Variants in SYNE2 observed in about 807,000 individuals in gnomAD.
The protein encoded by SYNE2 is nesprin-2.
In SYNE2, 431 loss-of-function variants were observed where a neutral mutation model predicts 856.3. The ratio of observed to expected loss-of-function variants is 0.50; its 90% confidence interval spans 0.47 to 0.55. The LOEUF (loss-of-function observed/expected upper bound fraction) is 0.55. Among genes scored for constraint, SYNE2 ranks in the 20% least tolerant of loss-of-function variants. The pLI, the probability that SYNE2 is intolerant of heterozygous loss-of-function variation, is 0.00. For missense variants in SYNE2, 8,129 were observed against 8,023.2 expected, an observed-to-expected ratio of 1.01 and a Z score of -0.50; for synonymous variants, 2,923 against 2,872.3, an observed-to-expected ratio of 1.02 and a Z score of -0.56.
Position 64,051,544 on chromosome 14 carries a change from A to T in SYNE2, c.7644-13A>T. 1 of 1,603,014 alleles carries T rather than the reference A, an allele frequency of 6.2e-7. No individual in the cohort carries two copies. The highest frequency in any genetic ancestry group is 8.5e-7 in the Non-Finnish European group (1 of 1,175,466). On this transcript the variant is annotated splice_polypyrimidine_tract_variant and intron_variant, in intron 47 of 115. Coordinates refer to ENST00000555002, the MANE Select transcript of SYNE2 (RefSeq NM_182914.3). ...TTAAATATTAACAAGCTCTATTTTTATTCTTTTTCTAGAGGACCACTGGAC... is the reference window on the plus strand; with the variant it reads ...TTAAATATTAACAAGCTCTATTTTTTTTCTTTTTCTAGAGGACCACTGGAC...
At chr14:64,004,045 C>A (rs528823941) in intron 30 of SYNE2, among the ~76,000 whole-genome samples, 3 of 151,722 alleles carry the variant, frequency 2.0e-5, no homozygotes, top group Non-Finnish European at 4.4e-5. Context: ...TCCTTCCTTT[C>A]GACAGAGTCT....
chr14:64,143,597 C>T lies in SYNE2; in HGVS notation c.15307-175C>T, dbSNP rs569696987. On this transcript the variant is annotated intron_variant, in intron 82 of 115. Coordinates refer to ENST00000555002, the MANE Select transcript of SYNE2 (RefSeq NM_182914.3). ...TCTGTGTAATTCCCCAAAAGAATCC[C>T]TACTCCAATAAAGCCAACTCCTGGT... Among the ~76,000 whole-genome samples the T allele has an allele frequency of 3.3e-5, 5 of 152,284 alleles. No homozygotes were observed. In the East Asian group the frequency reaches 9.6e-4, roughly 29 times the overall value.
chr14:64,084,925 G>T (rs571079490), intron 57 of SYNE2: 4 of 701,706 alleles, frequency 5.7e-6, no homozygotes, highest in Non-Finnish European at 1.0e-5. Context: ...GCTCATTCCC[G>T]TGGCTGTTGA....
chr14:64,102,566 G>T (rs2097741197), intron 64 of SYNE2, among the ~76,000 whole-genome samples: 1 of 119,734 alleles, frequency 8.4e-6, no homozygotes. Context: ...TATACAACAT[G>T]TTTTGAAATG....
intron 2 of SYNE2, among the ~76,000 whole-genome samples, chr14:63,910,118 A>G (rs572028796): frequency 2.9e-4 from 44 of 152,334 alleles, no homozygotes; most frequent in Admixed American, 2.2e-3. Flanking sequence ...AGGCCTTTGA[A>G]AATATTTATG....
intron 84 of SYNE2, among the ~76,000 whole-genome samples, chr14:64,150,549 A>AGG (rs34382709): frequency 5.4e-5 from 7 of 130,256 alleles, no homozygotes; most frequent in Non-Finnish European, 9.6e-5. Context: ...CCATTTTTGA[A>AGG]GGGTGTGTGT....
intron 1 of SYNE2, among the ~76,000 whole-genome samples, chr14:63,897,299 G>A (rs1595504694): frequency 6.6e-6 from 1 of 152,056 alleles, no homozygotes; most frequent in Non-Finnish European, 1.5e-5. Context: ...AAGGACATAT[G>A]ACTTCATAGC....
rs1255884 is a variant in SYNE2 at position 63,961,436 on chromosome 14, A to G, written c.788-89A>G. ...GGTGCATTTCCAGAGCCTGTGAACC[A>G]AATGGCAGAGGCTATGGCATAGCCC... On this transcript the variant is annotated intron_variant, in intron 8 of 115. Transcript: ENST00000555002. 689,370 of 1,110,998 alleles carry G rather than the reference A, an allele frequency of 0.62. 216,575 individuals carry two copies. Among genetic ancestry groups the G allele is most frequent in the South Asian group, 0.73 (55,612 of 75,764 alleles). The allele number at this position is 1,110,998 out of a possible 1,614,324, so 68.8% of individuals were successfully genotyped here.
chr14:63,910,564 AATT>A (rs1201453045), intron 2 of SYNE2, among the ~76,000 whole-genome samples: 2 of 152,308 alleles, frequency 1.3e-5, no homozygotes, highest in Middle Eastern at 3.4e-3. Flanking sequence ...ACTGGAAAAA[AATT>A]ATTGTTTTTC....
chr14:64,219,830 C>T (rs1256318534), intron 110 of SYNE2, among the ~76,000 whole-genome samples: 2 of 152,184 alleles, frequency 1.3e-5, no homozygotes, highest in Admixed American at 1.3e-4. Flanking sequence ...GGCTCACCTA[C>T]TGATGAATCC....
At chr14:63,823,516 C>T (rs60646866) in intron 1 of SYNE2, among the ~76,000 whole-genome samples, 1,780 of 151,906 alleles carry the variant, frequency 0.012, 30 homozygotes, top group African/African-American at 0.041. Context: ...AACACCTGTA[C>T]TTCACAAACT....
At chr14:64,224,362 CA>C in intron 113 of SYNE2, 98 bp from the exon 114 acceptor site, 2 of 1,190,146 alleles carry the variant, frequency 1.7e-6, no homozygotes, top group East Asian at 2.3e-5. Context: ...CAAAACAAAA[CA>C]AAAAAAGATT....
intron 18 of SYNE2, 69 bp downstream of exon 18, chr14:63,983,955 G>T (rs2096605573): frequency 8.3e-7 from 1 of 1,208,608 alleles, no homozygotes; most frequent in African/African-American, 1.5e-5. Context: ...TTAAAAAAAA[G>T]ATATTGCCGG....
chr14:63,981,261 C>T (rs1195569766), intron 16 of SYNE2, 88 bp downstream of exon 16: 2 of 1,190,966 alleles, frequency 1.7e-6, no homozygotes, highest in Admixed American at 3.4e-5. Context: ...GATGAGAAAA[C>T]AGAGAAGAGT....
At chr14:64,158,845 A>G (rs376302374) in intron 86 of SYNE2, 50 bp downstream of exon 86, 3 of 1,595,748 alleles carry the variant, frequency 1.9e-6, no homozygotes, top group Non-Finnish European at 2.6e-6. Flanking sequence ...GAAATTACAA[A>G]TGGGAGGAAG....
chr14:64,018,846 C>T (rs934644856), intron 34 of SYNE2, among the ~76,000 whole-genome samples: 2 of 152,130 alleles, frequency 1.3e-5, no homozygotes, highest in African/African-American at 4.8e-5. Context: ...TATAGAGCTT[C>T]AAGAAAAGCT....
chr14:63,827,268 A>G (rs1889464511), intron 1 of SYNE2, among the ~76,000 whole-genome samples: 1 of 124,876 alleles, frequency 8.0e-6, no homozygotes, highest in African/African-American at 2.9e-5. Flanking sequence ...ACAGAGCAAG[A>G]CTCTGTCTCA....
At chr14:63,906,179 T>C (rs1412970943) in intron 1 of SYNE2, among the ~76,000 whole-genome samples, 1 of 152,192 alleles carries the variant, frequency 6.6e-6, no homozygotes, top group Admixed American at 6.5e-5. Context: ...GAATTAACTT[T>C]TTTATGTGCT....
chr14:63,921,542 C>G (rs895428508), intron 2 of SYNE2, among the ~76,000 whole-genome samples: 1 of 152,000 alleles, frequency 6.6e-6, no homozygotes, highest in Admixed American at 6.6e-5. Context: ...TCATGGACCC[C>G]AGAGAAGGAG....
Sources: allele counts gnomAD v4.1 joint callset (sites outside exome capture counted in the v4.1 genomes callset), GRCh38; gene constraint gnomAD v4.1.1; transcripts MANE v1.5; gene names NCBI Gene and HGNC (gene_info 2026-07-23, HGNC 2026-07-21).